FAM168A: variants seen among roughly 807,000 people sequenced by gnomAD.
FAM168A encodes the protein protein FAM168A.
A neutral mutation model predicts 28.5 loss-of-function variants in FAM168A; 3 were observed. The ratio of observed to expected loss-of-function variants is 0.11; its 90% CI spans 0.05 to 0.27. The LOEUF is 0.27. Ranked by LOEUF, FAM168A falls within the 10% of genes least tolerant of loss-of-function variation. The pLI is 1.00. For missense variants in FAM168A, 222 were observed against 311.5 expected (o/e 0.71, Z 2.16); for synonymous variants, 122 against 124.2 (o/e 0.98, Z 0.12).
intron 7 of FAM168A, 22 bp downstream of exon 7, chr11:73,407,491 C>A: frequency 6.6e-7 from 1 of 1,508,436 alleles, no homozygotes; most frequent in Non-Finnish European, 8.9e-7. Context: ...CCTCCCACTT[C>A]TCTCACCCTG....
chr11:73,470,869 T>C (rs1867804703), intron 1 of FAM168A, among the ~76,000 whole-genome samples: 2 of 152,204 alleles, frequency 1.3e-5, no homozygotes, highest in Non-Finnish European at 2.9e-5. Context: ...GTGTTGCTGA[T>C]TGGACAAAGT....
intron 1 of FAM168A, among the ~76,000 whole-genome samples, chr11:73,578,945 C>A (rs530059147): frequency 5.9e-5 from 9 of 152,314 alleles, no homozygotes; most frequent in Admixed American, 1.3e-4. Context: ...ATACCACAAA[C>A]ATTTATTTTT....
chr11:73,537,326 C>T (rs1270248941), intron 1 of FAM168A, among the ~76,000 whole-genome samples: 3 of 151,964 alleles, frequency 2.0e-5, no homozygotes, highest in Non-Finnish European at 4.4e-5. Flanking sequence ...TTTGGGAGGC[C>T]GAGGCTGGCA....
chr11:73,424,834 T>C (rs1349458646), intron 3 of FAM168A, among the ~76,000 whole-genome samples: 1 of 152,138 alleles, frequency 6.6e-6, no homozygotes, highest in African/African-American at 2.4e-5. Flanking sequence ...TTCATGTGTG[T>C]CTCCAACCCA....
At position 73,581,293 on chromosome 11, in the gene FAM168A, G is replaced by A. The variant is rs188487529; in HGVS notation, c.-19+16630C>T. The stretch of plus-strand genomic sequence containing the variant: ...TGTCTGAAATGCCATGATTGTTTAC[G>A]GACAGTATCTTTAATAAAGCTGGAT... On this transcript the variant is annotated intron_variant, in intron 1 of 7. Coordinates refer to ENST00000356467, the MANE Select transcript of FAM168A (RefSeq NM_015159.3). 3.2e-4 allele frequency among the ~76,000 whole-genome samples: 48 copies of A among 152,248 alleles called. 1 individual carries two copies. The highest frequency in any genetic ancestry group is 6.7e-4 in the African/African-American group (28 of 41,544).
chr11:73,435,614 C>A (rs892350243), intron 2 of FAM168A, among the ~76,000 whole-genome samples: 3 of 152,044 alleles, frequency 2.0e-5, no homozygotes, highest in Non-Finnish European at 4.4e-5. Context: ...ATTACAGGAT[C>A]TCAAGCATTG....
chr11:73,438,100 A>ATCATCATCATCATCATCG (rs749028642), intron 2 of FAM168A, among the ~76,000 whole-genome samples: 3 of 151,922 alleles, frequency 2.0e-5, no homozygotes, highest in Admixed American at 6.6e-5. Context: ...TCCAGATTTC[A>ATCATCATCATCATCATCG]TCATCATCAT....
intron 3 of FAM168A, 107 bp downstream of exon 3, chr11:73,430,583 G>C: frequency 9.7e-7 from 1 of 1,028,632 alleles, no homozygotes; most frequent in Non-Finnish European, 1.5e-6. Context: ...GAGAGGCTGC[G>C]CCCGGAGCAA....
chr11:73,404,479 C>T lies in FAM168A; in HGVS notation c.*2284G>A, dbSNP rs931623192. The T allele has an allele frequency of 2.6e-5, 4 of 152,172 alleles. No individual in the cohort carries two copies. Among genetic ancestry groups the T allele is most frequent in the Admixed American group, 6.5e-5 (1 of 15,280 alleles). The allele number at this position is 152,172 out of a possible 1,614,324, so 9.4% of individuals were successfully genotyped here. On this transcript the variant is annotated 3_prime_UTR_variant, in exon 8 of 8. Coordinates refer to ENST00000356467, the MANE Select transcript of FAM168A (RefSeq NM_015159.3). ...TTATTATTTTGGCATTTTTCAAACA[C>T]GTATGACATAATCTAGAACAACCTT...
At chr11:73,535,892 A>G (rs993944278) in intron 1 of FAM168A, among the ~76,000 whole-genome samples, 1 of 149,702 alleles carries the variant, frequency 6.7e-6, no homozygotes, top group Non-Finnish European at 1.5e-5. Context: ...TTTTTGAGAC[A>G]GGGTTTCACT....
intron 2 of FAM168A, 59 bp downstream of exon 2, chr11:73,468,346 A>C (rs1447889962): frequency 1.3e-6 from 2 of 1,516,868 alleles, no homozygotes; most frequent in African/African-American, 2.7e-5. Flanking sequence ...GGAGCAAGTT[A>C]TTTGGTAATA....
chr11:73,510,374 G>A (rs1855197505), intron 1 of FAM168A, among the ~76,000 whole-genome samples: 1 of 152,160 alleles, frequency 6.6e-6, no homozygotes, highest in South Asian at 2.1e-4. Flanking sequence ...AAATTAGGAG[G>A]TAGTAGAGCC....
At chr11:73,484,498 G>GGAGA (rs201878144) in intron 1 of FAM168A, among the ~76,000 whole-genome samples, 35,045 of 143,028 alleles carry the variant, frequency 0.25, 4,812 homozygotes, top group South Asian at 0.34. Flanking sequence ...AGAACTAAGA[G>GGAGA]GAGAGAGAGA....
intron 2 of FAM168A, among the ~76,000 whole-genome samples, chr11:73,431,017 A>C (rs1866981507): frequency 6.6e-6 from 1 of 152,092 alleles, no homozygotes; most frequent in Non-Finnish European, 1.5e-5. Flanking sequence ...GCAATACAAG[A>C]AATATTCTAT....
chr11:73,518,223 T>C (rs867325270), intron 1 of FAM168A, among the ~76,000 whole-genome samples: 3 of 152,296 alleles, frequency 2.0e-5, no homozygotes, highest in Middle Eastern at 6.8e-3. Flanking sequence ...AGGGAAGATA[T>C]GCAGTACCCA....
rs151202871 is a variant in FAM168A at position 73,466,959 on chromosome 11, G to A, written c.70+1446C>T. ...TCCCCTACATAAAGTTGGGACCTTGGAGGAGTCATAGTGTCAGTTAAAAAA... is the reference window on the plus strand; with the variant it reads ...TCCCCTACATAAAGTTGGGACCTTGAAGGAGTCATAGTGTCAGTTAAAAAA... On this transcript the variant is annotated intron_variant, in intron 2 of 7. Coordinates refer to ENST00000356467, the MANE Select transcript of FAM168A (RefSeq NM_015159.3). 2.0e-3 allele frequency among the ~76,000 whole-genome samples: 300 copies of A among 151,962 alleles called. 4 individuals carry two copies. The highest frequency in any genetic ancestry group is 6.6e-3 in the African/African-American group (274 of 41,428).
At chr11:73,543,948 T>C (rs1010866462) in intron 1 of FAM168A, among the ~76,000 whole-genome samples, 1 of 152,056 alleles carries the variant, frequency 6.6e-6, no homozygotes, top group African/African-American at 2.4e-5. Flanking sequence ...CTGGGCAACA[T>C]AGCAAGACTC....
chr11:73,520,908 T>TAA (rs397942828), intron 1 of FAM168A, among the ~76,000 whole-genome samples: 5 of 142,226 alleles, frequency 3.5e-5, no homozygotes, highest in African/African-American at 1.0e-4. Context: ...AATAAGCAGC[T>TAA]AAAAAAAAAA....
chr11:73,506,144 C>T (rs1855111228), intron 1 of FAM168A, among the ~76,000 whole-genome samples: 1 of 152,074 alleles, frequency 6.6e-6, no homozygotes, highest in Non-Finnish European at 1.5e-5. Context: ...TTTATCAAAA[C>T]CAACAAGCCT....
Sources: gnomAD v4.1 joint callset for allele counts (sites outside exome capture counted in the v4.1 genomes callset) on GRCh38, gnomAD v4.1.1 for gene constraint, MANE v1.5 for transcripts, NCBI Gene and HGNC (gene_info 2026-07-23, HGNC 2026-07-21) for gene names.